Variants in EIPR1 observed in about 807,000 individuals in gnomAD.
The protein encoded by EIPR1 is EARP and GARP complex-interacting protein 1.
EIPR1 carries 25 observed loss-of-function variants against 48.1 expected under a neutral mutation model. That is an observed-to-expected ratio of 0.52 (90% confidence interval 0.38 to 0.73). The LOEUF is 0.73. Ranked by LOEUF, EIPR1 falls within the 30% of genes least tolerant of loss-of-function variation. The probability of loss-of-function intolerance (pLI) is 0.00; values close to 1 mark genes in which losing one functional copy is unlikely to be tolerated. For missense variants in EIPR1, 415 were observed against 506.2 expected (o/e 0.82, Z 1.73); for synonymous variants, 204 against 201.9 (o/e 1.01, Z -0.09).
chr2:3,262,172 C>T (rs553461769), intron 3 of EIPR1: 13 of 152,468 alleles, frequency 8.5e-5, no homozygotes, highest in South Asian at 6.2e-4. Flanking sequence ...AGAAACCATC[C>T]GCATTCACAA....
At chr2:3,313,610 C>G (rs773699556) in intron 3 of EIPR1, among the ~76,000 whole-genome samples, 1 of 152,162 alleles carries the variant, frequency 6.6e-6, no homozygotes, top group Non-Finnish European at 1.5e-5. Context: ...AATGCTGGGA[C>G]CAGGGTGAAA....
At chr2:3,193,107 A>G (rs1664667071) in intron 7 of EIPR1, among the ~76,000 whole-genome samples, 1 of 152,148 alleles carries the variant, frequency 6.6e-6, no homozygotes, top group Non-Finnish European at 1.5e-5. Context: ...TGAGGCCAAA[A>G]CAAGCTCCAG....
At chr2:3,362,816 G>A (rs913056100) in intron 1 of EIPR1, among the ~76,000 whole-genome samples, 15 of 152,116 alleles carry the variant, frequency 9.9e-5, no homozygotes, top group African/African-American at 3.6e-4. Flanking sequence ...CCACAGCCCC[G>A]CACGCCCCAG....
intron 3 of EIPR1, among the ~76,000 whole-genome samples, chr2:3,309,644 G>A (rs1242208069): frequency 3.9e-5 from 6 of 152,076 alleles, no homozygotes; most frequent in South Asian, 2.1e-4. Context: ...AGAGCATCCC[G>A]GGAAAGGAAA....
At chr2:3,299,299 G>A (rs558992343) in intron 3 of EIPR1, among the ~76,000 whole-genome samples, 82 of 152,026 alleles carry the variant, frequency 5.4e-4, no homozygotes, top group Admixed American at 1.2e-3. Context: ...CCGTCCTGCC[G>A]TGCTCGGCCC....
chr2:3,285,527 A>G (rs1057374105), intron 3 of EIPR1, among the ~76,000 whole-genome samples: 6 of 152,236 alleles, frequency 3.9e-5, no homozygotes, highest in South Asian at 2.1e-4. Flanking sequence ...GAAGTGCTCC[A>G]TAAGAATTAA....
chr2:3,272,930 C>G (rs559745287), intron 3 of EIPR1, among the ~76,000 whole-genome samples: 1 of 152,230 alleles, frequency 6.6e-6, no homozygotes, highest in East Asian at 1.9e-4. Context: ...CTGACAAACT[C>G]TCCTAGAATC....
At chr2:3,259,743 G>C (rs1312111115) in intron 3 of EIPR1, among the ~76,000 whole-genome samples, 1 of 152,230 alleles carries the variant, frequency 6.6e-6, no homozygotes, top group Non-Finnish European at 1.5e-5. Context: ...GAAGAGCAAT[G>C]AAGTTTTGGA....
Position 3,331,115 on chromosome 2 carries a change from C to A in EIPR1, c.259+6902G>T, listed in dbSNP as rs78586124. Among the ~76,000 whole-genome samples, 717 of 106,782 alleles carry A rather than the reference C, an allele frequency of 6.7e-3. 58 individuals carry two copies. Among genetic ancestry groups the A allele is most frequent in the East Asian group, 0.017 (38 of 2,228 alleles). The allele number at this position is 106,782 out of a possible 152,430, so 70.1% of individuals were successfully genotyped here. A position where few individuals can be genotyped will look rare whatever the true frequency, so the allele number is the denominator to read the frequency against. On this transcript the variant is annotated intron_variant, in intron 3 of 8. Coordinates refer to ENST00000382125, the MANE Select transcript of EIPR1 (RefSeq NM_003310.5). ...TGTGAGCAGAGGCAGGCACACACTCCTGAGGTGGTGTGAGCAGAAGCAGGC... is the reference window on the plus strand; with the variant it reads ...TGTGAGCAGAGGCAGGCACACACTCATGAGGTGGTGTGAGCAGAAGCAGGC...
intron 3 of EIPR1, among the ~76,000 whole-genome samples, chr2:3,330,492 C>A (rs1214496446): frequency 7.2e-6 from 1 of 139,422 alleles, no homozygotes. Flanking sequence ...GAGGCAGGCA[C>A]ACACTCATGA....
chr2:3,374,310 T>C (rs1239153765), intron 1 of EIPR1, among the ~76,000 whole-genome samples: 1 of 152,074 alleles, frequency 6.6e-6, no homozygotes, highest in African/African-American at 2.4e-5. Flanking sequence ...ATTCAGGACA[T>C]AGGCATGGGC....
intron 3 of EIPR1, among the ~76,000 whole-genome samples, chr2:3,329,078 A>T (rs62119482): frequency 2.2e-5 from 1 of 44,644 alleles, no homozygotes. Flanking sequence ...GGCACCAGCC[A>T]GGCTCCCCTG....
intron 3 of EIPR1, among the ~76,000 whole-genome samples, chr2:3,284,951 A>C (rs1668133879): frequency 6.6e-6 from 1 of 152,206 alleles, no homozygotes; most frequent in African/African-American, 2.4e-5. Context: ...ACTCTCCCCA[A>C]GAAAGAAGAA....
At position 3,277,265 on chromosome 2, in the gene EIPR1, C is replaced by T. The variant is rs764156529; in HGVS notation, c.260-19810G>A. Among the ~76,000 whole-genome samples, 182 of 152,132 alleles carry T rather than the reference C, an allele frequency of 1.2e-3. 3 individuals are homozygous for T. Among genetic ancestry groups the T allele is most frequent in the Non-Finnish European group, 2.9e-4 (20 of 68,010 alleles). The stretch of plus-strand genomic sequence containing the variant: ...GGCCCCACACCTGTCTCCACCCACG[C>T]GGCCCCACACCTGTCTCCACTCACA... On this transcript the variant is annotated intron_variant, in intron 3 of 8. Transcript: ENST00000382125.
intron 2 of EIPR1, among the ~76,000 whole-genome samples, chr2:3,344,634 CTTTTTTTTTTTTTT>C (rs1178498027): frequency 5.4e-5 from 4 of 74,192 alleles, no homozygotes; most frequent in Admixed American, 1.5e-4. Flanking sequence ...GGTTCTGGTT[CTTTTTTTTTTTTTT>C]TTTTTTTTTT....
At chr2:3,202,546 C>T (rs892687464) in intron 5 of EIPR1, among the ~76,000 whole-genome samples, 8 of 152,236 alleles carry the variant, frequency 5.3e-5, no homozygotes, top group Admixed American at 1.3e-4. Context: ...CACAAGGTCA[C>T]ACCTTTAGAA....
intron 3 of EIPR1, among the ~76,000 whole-genome samples, chr2:3,282,993 G>C (rs901013966): frequency 6.6e-6 from 1 of 152,242 alleles, no homozygotes; most frequent in Non-Finnish European, 1.5e-5. Context: ...ATACCTAGGG[G>C]TGATCTGTCC....
intron 4 of EIPR1, among the ~76,000 whole-genome samples, chr2:3,229,141 T>G (rs1430258400): frequency 6.6e-6 from 1 of 152,206 alleles, no homozygotes; most frequent in Non-Finnish European, 1.5e-5. Context: ...TTCCTAGAAG[T>G]GAGCATGAGC....
At chr2:3,248,600 GA>G (rs201541015) in intron 4 of EIPR1, among the ~76,000 whole-genome samples, 1 of 149,178 alleles carries the variant, frequency 6.7e-6, no homozygotes, top group East Asian at 2.0e-4. Flanking sequence ...TCTCGAAAAA[GA>G]AAAAAAACAA....
Sources: gnomAD v4.1 joint callset for allele counts (sites outside exome capture counted in the v4.1 genomes callset) on GRCh38, gnomAD v4.1.1 for gene constraint, MANE v1.5 for transcripts, NCBI Gene and HGNC (gene_info 2026-07-23, HGNC 2026-07-21) for gene names.